The following RANBP2 variants were observed in gnomAD, a reference collection of about 807,000 sequenced individuals.
RANBP2 encodes the protein RAN binding protein 2, also known as E3 SUMO-protein ligase RanBP2.
In RANBP2, 57 loss-of-function variants were observed where a neutral mutation model predicts 303.6. The observed-to-expected ratio is 0.19, with a 90% CI of 0.15 to 0.23. RANBP2 has a LOEUF of 0.23. Among genes scored for constraint, RANBP2 ranks in the 10% least tolerant of loss-of-function variants. RANBP2 has a pLI of 1.00. For missense variants in RANBP2, 3,138 were observed against 3,780.8 expected (o/e 0.83, Z 4.46); for synonymous variants, 1,167 against 1,301.5 (o/e 0.90, Z 2.23).
the RANBP2 span, among the ~76,000 whole-genome samples, chr2:108,980,066 C>T: frequency 1.3e-5 from 2 of 148,636 alleles, no homozygotes; most frequent in African/African-American, 2.5e-5. Context: ...CTTAACAGAT[C>T]GCCCATCGTC....
chr2:109,615,363 G>A, the RANBP2 span: 1 of 1,612,894 alleles, frequency 6.2e-7, no homozygotes, highest in Non-Finnish European at 8.5e-7. Flanking sequence ...CTGCGAGCCC[G>A]GCCTGCTGGT....
the RANBP2 span, among the ~76,000 whole-genome samples, chr2:109,344,220 G>T: frequency 9.2e-5 from 14 of 152,336 alleles, no homozygotes; most frequent in African/African-American, 3.4e-4. Flanking sequence ...GGCCTTAGTG[G>T]CGTAGAAGCT....
At chr2:108,894,789 A>T in the RANBP2 span, 1 of 152,242 alleles carries the variant, frequency 6.6e-6, no homozygotes, top group African/African-American at 2.4e-5. Flanking sequence ...CTATATAAGG[A>T]ATAGCTCCCT....
chr2:108,901,568 A>G, the RANBP2 span, among the ~76,000 whole-genome samples: 87 of 152,212 alleles, frequency 5.7e-4, no homozygotes, highest in Non-Finnish European at 1.0e-3. Flanking sequence ...ACTGACAAGG[A>G]AAAAATAGAG....
chr2:109,613,943 G>C, the RANBP2 span: 19 of 1,216,646 alleles, frequency 1.6e-5, no homozygotes, highest in Non-Finnish European at 1.9e-5. Context: ...CGCGAGGCTA[G>C]GCTGCCTCCG....
the RANBP2 span, chr2:109,545,328 C>T: frequency 1.6e-5 from 24 of 1,486,012 alleles, no homozygotes; most frequent in East Asian, 3.8e-4. Flanking sequence ...AGGAAATTAT[C>T]AAAAAGGAAA....
At chr2:108,748,804 AG>A (rs1441877344) in intron 8 of RANBP2, 115 bp from the exon 9 acceptor site, 2 of 1,593,118 alleles carry the variant, frequency 1.3e-6, no homozygotes, top group Non-Finnish European at 1.7e-6. Flanking sequence ...TTTGGGTTGG[AG>A]GGTTAGGTAT....
At chr2:109,390,145 G>A in the RANBP2 span, among the ~76,000 whole-genome samples, 1 of 152,222 alleles carries the variant, frequency 6.6e-6, no homozygotes, top group African/African-American at 2.4e-5. Flanking sequence ...CCAAGGGTCT[G>A]AGGTCTCTTC....
At chr2:109,744,168 T>C in the RANBP2 span, among the ~76,000 whole-genome samples, 510 of 95,798 alleles carry the variant, frequency 5.3e-3, 72 homozygotes, top group African/African-American at 0.014. Flanking sequence ...GAATGGTAGT[T>C]CTAAGTTCTT....
chr2:109,387,816 C>T, the RANBP2 span, among the ~76,000 whole-genome samples: 12 of 152,104 alleles, frequency 7.9e-5, no homozygotes, highest in African/African-American at 2.9e-4. Context: ...CAGTAGGTGC[C>T]CAATTCCACC....
chr2:109,289,238 C>T, the RANBP2 span, among the ~76,000 whole-genome samples: 6 of 152,300 alleles, frequency 3.9e-5, no homozygotes, highest in African/African-American at 7.2e-5. Context: ...TATGTGCACA[C>T]GGTGTAATGA....
the RANBP2 span, among the ~76,000 whole-genome samples, chr2:109,476,869 C>CT: frequency 2.6e-5 from 4 of 152,180 alleles, no homozygotes; most frequent in African/African-American, 9.6e-5. Context: ...GGGTAACTTC[C>CT]TGACATTGCT....
the RANBP2 span, among the ~76,000 whole-genome samples, chr2:109,075,434 C>T: frequency 6.6e-6 from 1 of 150,426 alleles, no homozygotes; most frequent in East Asian, 1.9e-4. Context: ...CCATGTTGGC[C>T]AGGCTGGTCT....
chr2:109,107,225 T>C, the RANBP2 span, among the ~76,000 whole-genome samples: 1 of 84,928 alleles, frequency 1.2e-5, no homozygotes, highest in Admixed American at 1.6e-4. Flanking sequence ...GCACCCAGCC[T>C]TTTTTTTTTT....
chr2:109,485,883 C>T, the RANBP2 span, among the ~76,000 whole-genome samples: 35,985 of 152,256 alleles, frequency 0.24, 4,466 homozygotes, highest in Admixed American at 0.32. Flanking sequence ...AGCCTCCAGT[C>T]CCTGGCCCTC....
At chr2:108,888,090 T>C in the RANBP2 span, among the ~76,000 whole-genome samples, 1 of 152,204 alleles carries the variant, frequency 6.6e-6, no homozygotes, top group Admixed American at 6.5e-5. Flanking sequence ...TTGAATTTTT[T>C]AAAATGCTTT....
the RANBP2 span, chr2:108,929,494 C>T: frequency 8.7e-4 from 1,001 of 1,154,968 alleles, 8 homozygotes; most frequent in African/African-American, 0.013. Flanking sequence ...CTACTCTTGC[C>T]GGGCCTTGGT....
chr2:109,341,565 T>A, the RANBP2 span, among the ~76,000 whole-genome samples: 2 of 152,088 alleles, frequency 1.3e-5, no homozygotes, highest in African/African-American at 2.4e-5. Context: ...GAGCTGTGAA[T>A]GAGATCCCAA....
the RANBP2 span, among the ~76,000 whole-genome samples, chr2:109,152,550 A>G: frequency 6.6e-6 from 1 of 152,242 alleles, no homozygotes; most frequent in Non-Finnish European, 1.5e-5. Context: ...AGTTCACTGC[A>G]TGGAAATTGG....
Sources: gnomAD v4.1 joint callset for allele counts (sites outside exome capture counted in the v4.1 genomes callset) on GRCh38, gnomAD v4.1.1 for gene constraint, MANE v1.5 for transcripts, NCBI Gene and HGNC (gene_info 2026-07-23, HGNC 2026-07-21) for gene names.